The following SLC26A3 variants were observed in gnomAD, a reference collection of about 807,000 sequenced individuals.
The protein encoded by SLC26A3 is chloride anion exchanger.
SLC26A3 carries 64 observed loss-of-function variants against 85.6 expected under a neutral mutation model. That is an observed-to-expected ratio of 0.75 (90% CI 0.61 to 0.92). The LOEUF is 0.92. SLC26A3 is among the 40% of genes least tolerant of loss of function. The probability of loss-of-function intolerance (pLI) is 0.00; values close to 1 mark genes in which losing one functional copy is unlikely to be tolerated. For missense variants in SLC26A3, 922 were observed against 927.3 expected (o/e 0.99, Z 0.07); for synonymous variants, 349 against 336.0 (o/e 1.04, Z -0.42).
At chr7:107,794,623 T>A in intron 1 of SLC26A3, 26 bp from the exon 2 acceptor site, 2 of 1,117,194 alleles carry the variant, frequency 1.8e-6, no homozygotes, top group Non-Finnish European at 2.7e-6. Context: ...GCTTGCTTCT[T>A]AAATAACTCA....
At chr7:107,796,360 G>C (rs1439566921) in intron 1 of SLC26A3, among the ~76,000 whole-genome samples, 1 of 152,084 alleles carries the variant, frequency 6.6e-6, no homozygotes, top group Non-Finnish European at 1.5e-5. Flanking sequence ...TTCAACCTCA[G>C]CCTCCCAAGT....
chr7:107,766,605 A>T (rs889421541), intron 20 of SLC26A3, among the ~76,000 whole-genome samples: 1 of 152,142 alleles, frequency 6.6e-6, no homozygotes, highest in Admixed American at 6.6e-5. Context: ...TTCCAGATTT[A>T]TCTTATGCTC....
intron 20 of SLC26A3, among the ~76,000 whole-genome samples, chr7:107,767,263 T>G (rs1006969300): frequency 6.6e-6 from 1 of 152,246 alleles, no homozygotes; most frequent in African/African-American, 2.4e-5. Flanking sequence ...CCTTCCCTGC[T>G]ACGTGGATTA....
At chr7:107,787,981 A>G (rs1431653306) in intron 6 of SLC26A3, among the ~76,000 whole-genome samples, 1 of 152,038 alleles carries the variant, frequency 6.6e-6, no homozygotes, top group Non-Finnish European at 1.5e-5. Flanking sequence ...CTGACTCTCT[A>G]TGTCACTTTT....
chr7:107,767,291 G>GAATA (rs1554376586), intron 20 of SLC26A3, among the ~76,000 whole-genome samples: 38 of 152,184 alleles, frequency 2.5e-4, no homozygotes, highest in Non-Finnish European at 4.3e-4. Context: ...GCCAGAATAA[G>GAATA]AGCATTGTTG....
intron 15 of SLC26A3, among the ~76,000 whole-genome samples, chr7:107,775,368 T>G (rs1794093602): frequency 6.6e-6 from 1 of 152,112 alleles, no homozygotes; most frequent in Non-Finnish European, 1.5e-5. Context: ...TCAACACTAA[T>G]GAATTCTTAT....
chr7:107,784,734 G>A (rs1794266126), intron 8 of SLC26A3, among the ~76,000 whole-genome samples: 1 of 152,112 alleles, frequency 6.6e-6, no homozygotes, highest in East Asian at 1.9e-4. Context: ...GCCCGTCCTT[G>A]TTCTCTTTTC....
At position 107,778,288 on chromosome 7, in the gene SLC26A3, A is replaced by G. The variant is rs750411201; in HGVS notation, c.1408-7T>C. 29 of 1,578,712 alleles carry G rather than the reference A, an allele frequency of 1.8e-5. No homozygotes were observed. Among genetic ancestry groups the G allele is most frequent in the Non-Finnish European group, 2.4e-5 (27 of 1,148,368 alleles). ...AGGTCATGATCCAAATTAACTGTGA[A>G]AAGAAAGCAACACATACACTACAAT... On this transcript the variant is annotated splice_polypyrimidine_tract_variant and splice_region_variant and intron_variant, in intron 12 of 20. Transcript: ENST00000340010.
At chr7:107,790,573 C>T (rs927499256) in intron 5 of SLC26A3, among the ~76,000 whole-genome samples, 6 of 152,074 alleles carry the variant, frequency 3.9e-5, no homozygotes, top group Non-Finnish European at 8.8e-5. Context: ...TAGGCTCCAC[C>T]ATAATCCTCG....
intron 8 of SLC26A3, among the ~76,000 whole-genome samples, chr7:107,786,613 GAAAAA>G (rs200098446): frequency 7.6e-6 from 1 of 132,448 alleles, no homozygotes; most frequent in African/African-American, 2.8e-5. Flanking sequence ...GTGGGGAGGC[GAAAAA>G]AAAAAAAAAA....
chr7:107,777,320 C>A (rs960300628), intron 13 of SLC26A3, among the ~76,000 whole-genome samples: 1 of 152,106 alleles, frequency 6.6e-6, no homozygotes, highest in Non-Finnish European at 1.5e-5. Flanking sequence ...CAAGGCTGGT[C>A]GCCATGGCTC....
At chr7:107,787,627 G>A in intron 6 of SLC26A3, 118 bp from the exon 7 acceptor site, 2 of 835,764 alleles carry the variant, frequency 2.4e-6, no homozygotes, top group Non-Finnish European at 3.8e-6. Flanking sequence ...GAGACTGATA[G>A]TGATTTCCTG....
At chr7:107,787,617 G>C in intron 6 of SLC26A3, 108 bp from the exon 7 acceptor site, 1 of 917,944 alleles carries the variant, frequency 1.1e-6, no homozygotes. Flanking sequence ...AAGACTGATA[G>C]AGACTGATAG....
intron 11 of SLC26A3, among the ~76,000 whole-genome samples, chr7:107,781,663 T>G (rs1794216575): frequency 6.6e-6 from 1 of 152,312 alleles, no homozygotes; most frequent in East Asian, 1.9e-4. Context: ...CTATGGAGAA[T>G]GCATATTTTT....
chr7:107,791,192 T>C lies in SLC26A3; in HGVS notation c.426A>G (p.Ser142=). The change falls in exon 5 of 21, where the codon TCA becomes TCG. Residue 142 remains serine (S), a synonymous_variant. Coordinates refer to ENST00000340010, the MANE Select transcript of SLC26A3 (RefSeq NM_000111.3). ...CTGGGACTGCTTTTGAAACTGCTCC[T>C]GAAACTGCTAGTCCCACCATCATAC... ...ILSMMVGLAV[S]GAVSKAVPDR... is the part of the protein sequence containing the mutation. 6.2e-7 allele frequency: 1 copy of C among 1,614,226 alleles called. No individual in the cohort carries two copies. Among genetic ancestry groups the C allele is most frequent in the South Asian group, 1.1e-5 (1 of 91,078 alleles).
At position 107,773,953 on chromosome 7, in the gene SLC26A3, A is replaced by G. The variant is rs1318605929; in HGVS notation, c.1974T>C (p.Phe658=). Residue 658 remains phenylalanine (F), a synonymous_variant, in exon 17 of 21, where the codon TTT becomes TTC. Transcript: ENST00000340010. ...GGCCCCTCACTGAAGAAACATCAAGAAAGGACACTGCTGAAAAGTCAAGAA... is the reference window on the plus strand; with the variant it reads ...GGCCCCTCACTGAAGAAACATCAAGGAAGGACACTGCTGAAAAGTCAAGAA... ...SLILDFSAVS[F]LDVSSVRGLK... The G allele has an allele frequency of 6.2e-7, 1 of 1,613,976 alleles. No individual in the cohort carries two copies. Among genetic ancestry groups the G allele is most frequent in the Non-Finnish European group, 8.5e-7 (1 of 1,179,942 alleles).
chr7:107,782,679 T>C (rs1794231103), intron 11 of SLC26A3, 118 bp downstream of exon 11: 1 of 949,044 alleles, frequency 1.1e-6, no homozygotes, highest in East Asian at 2.4e-5. Flanking sequence ...CTAAGAAGAG[T>C]ACTTGAGAGT....
chr7:107,789,636 G>A lies in SLC26A3; in HGVS notation c.623C>T (p.Ser208Phe). 1 of 1,614,002 alleles carries A rather than the reference G, an allele frequency of 6.2e-7. No homozygotes were observed. Among genetic ancestry groups the A allele is most frequent in the Non-Finnish European group, 8.5e-7 (1 of 1,179,942 alleles). Reference protein sequence around the residue: ...IGFVVIYLSESLISGFTTAAA... With the variant: ...IGFVVIYLSEFLISGFTTAAA... ...AGCAGTAGTGAAGCCACTGATGAGG[G>A]ACTCAGACAGGTATATCACTACAAA... The change falls in exon 6 of 21, where the codon TCC becomes TTC. Residue 208 changes from serine to phenylalanine, a missense_variant. Ser to Phe is a radical substitution (Grantham distance 155). Transcript: ENST00000340010.
At chr7:107,798,109 C>T (rs964911623) in intron 1 of SLC26A3, among the ~76,000 whole-genome samples, 4 of 152,004 alleles carry the variant, frequency 2.6e-5, no homozygotes, top group African/African-American at 4.8e-5. Context: ...TGCTTCCCTA[C>T]GACGTGCTTT....
Sources: gnomAD v4.1 joint callset for allele counts (sites outside exome capture counted in the v4.1 genomes callset) on GRCh38, gnomAD v4.1.1 for gene constraint, MANE v1.5 for transcripts, NCBI Gene and HGNC (gene_info 2026-07-23, HGNC 2026-07-21) for gene names.